CWC27: variants seen among roughly 807,000 people sequenced by gnomAD.
The protein encoded by CWC27 is CWC27 spliceosome associated cyclophilin.
Under a neutral mutation model 63.6 loss-of-function variants are expected in CWC27, and 47 were observed. The ratio of observed to expected loss-of-function variants is 0.74; its 90% CI spans 0.58 to 0.94. The LOEUF is 0.94. Among genes scored for constraint, CWC27 ranks in the 40% least tolerant of loss-of-function variants. The probability of loss-of-function intolerance (pLI) is 0.00; values close to 1 mark genes in which losing one functional copy is unlikely to be tolerated. For missense variants in CWC27, 495 were observed against 554.3 expected, an observed-to-expected ratio of 0.89 and a Z score of 1.07; for synonymous variants, 175 against 179.8, an observed-to-expected ratio of 0.97 and a Z score of 0.22.
intron 11 of CWC27, among the ~76,000 whole-genome samples, chr5:64,930,818 C>A (rs945219743): frequency 6.6e-6 from 1 of 152,102 alleles, no homozygotes; most frequent in Non-Finnish European, 1.5e-5. Context: ...CTTAACAGTA[C>A]CCTGAGAAGA....
chr5:64,843,529 G>A (rs1378594565), intron 10 of CWC27, among the ~76,000 whole-genome samples: 1 of 152,076 alleles, frequency 6.6e-6, no homozygotes, highest in Non-Finnish European at 1.5e-5. Flanking sequence ...TAACTCCCAG[G>A]AGAGATTAGC....
At chr5:64,890,868 G>A (rs1747214991) in intron 11 of CWC27, among the ~76,000 whole-genome samples, 1 of 152,146 alleles carries the variant, frequency 6.6e-6, no homozygotes, top group Non-Finnish European at 1.5e-5. Context: ...AAGCAAAAGA[G>A]AAGCCAGAAA....
At chr5:64,869,873 G>A (rs1746623216) in intron 10 of CWC27, among the ~76,000 whole-genome samples, 1 of 151,962 alleles carries the variant, frequency 6.6e-6, no homozygotes. Flanking sequence ...TCCCCTTAAA[G>A]TAGGAGCTTT....
chr5:64,804,536 G>A (rs765409962), intron 10 of CWC27, 150 bp downstream of exon 10: 23 of 707,488 alleles, frequency 3.3e-5, no homozygotes, highest in Admixed American at 9.7e-5. Flanking sequence ...CCCATTAGCA[G>A]GCCTAAAATA....
At chr5:64,987,449 C>T (rs1213927259) in intron 13 of CWC27, among the ~76,000 whole-genome samples, 2 of 152,098 alleles carry the variant, frequency 1.3e-5, no homozygotes, top group Non-Finnish European at 2.9e-5. Flanking sequence ...ATAATTTTTG[C>T]TCTCAGCTGT....
chr5:64,941,037 G>A (rs541536341), intron 11 of CWC27, among the ~76,000 whole-genome samples: 1 of 151,264 alleles, frequency 6.6e-6, no homozygotes, highest in South Asian at 2.1e-4. Context: ...GTAGAGATGG[G>A]GTTTCACCAT....
chr5:64,865,666 G>A (rs930852152), intron 10 of CWC27, among the ~76,000 whole-genome samples: 2 of 151,946 alleles, frequency 1.3e-5, no homozygotes, highest in African/African-American at 2.4e-5. Flanking sequence ...TTTGGTTTAA[G>A]GGCTAAATCT....
At chr5:64,973,573 A>C (rs962112132) in intron 12 of CWC27, among the ~76,000 whole-genome samples, 2 of 152,236 alleles carry the variant, frequency 1.3e-5, no homozygotes, top group Non-Finnish European at 2.9e-5. Context: ...CTCCATGCAG[A>C]TCCTATCTTC....
intron 12 of CWC27, among the ~76,000 whole-genome samples, chr5:64,972,936 A>C (rs954749544): frequency 3.3e-4 from 51 of 152,330 alleles, no homozygotes; most frequent in African/African-American, 1.2e-3. Flanking sequence ...AGGTACAGGA[A>C]GCCATGTAGA....
intron 13 of CWC27, among the ~76,000 whole-genome samples, chr5:65,009,661 C>T (rs1749911387): frequency 1.3e-5 from 2 of 152,196 alleles, no homozygotes; most frequent in South Asian, 4.1e-4. Flanking sequence ...AACTCTCTCT[C>T]TCTGGCACAT....
At chr5:64,949,772 C>A (rs1180187348) in intron 11 of CWC27, among the ~76,000 whole-genome samples, 1 of 151,984 alleles carries the variant, frequency 6.6e-6, no homozygotes, top group East Asian at 1.9e-4. Context: ...CCTTTTCTAT[C>A]TAATGAATAT....
chr5:64,885,585 T>G (rs1303007296), intron 11 of CWC27, 39 bp downstream of exon 11: 2 of 1,426,544 alleles, frequency 1.4e-6, no homozygotes, highest in South Asian at 2.4e-5. Flanking sequence ...CACTTGATAC[T>G]CCTCCTTCTC....
At chr5:64,888,450 T>C (rs903476619) in intron 11 of CWC27, among the ~76,000 whole-genome samples, 14 of 147,284 alleles carry the variant, frequency 9.5e-5, no homozygotes, top group Middle Eastern at 3.6e-3. Flanking sequence ...ATAAATAATG[T>C]ATATTTTGGG....
Position 64,824,093 on chromosome 5 carries a change from A to G in CWC27, c.938+19707A>G, listed in dbSNP as rs184726591. Among the ~76,000 whole-genome samples the G allele has an allele frequency of 4.8e-3, 729 of 152,314 alleles. 2 individuals carry two copies. Among genetic ancestry groups the G allele is most frequent in the Non-Finnish European group, 8.1e-3 (551 of 68,012 alleles). On this transcript the variant is annotated intron_variant, in intron 10 of 13. Transcript: ENST00000381070. ...TAACTTTATCTAGCTAGTGAATGCAAGTGTTTTATTTTAGAAACATAAATG... is the reference window on the plus strand; with the variant it reads ...TAACTTTATCTAGCTAGTGAATGCAGGTGTTTTATTTTAGAAACATAAATG...
intron 11 of CWC27, among the ~76,000 whole-genome samples, chr5:64,904,530 T>C (rs1358696924): frequency 6.6e-6 from 1 of 152,268 alleles, no homozygotes; most frequent in African/African-American, 2.4e-5. Context: ...CCTTATGATA[T>C]GGTATCTGGG....
chr5:64,991,809 A>G (rs1210613358), intron 13 of CWC27, among the ~76,000 whole-genome samples: 1 of 152,200 alleles, frequency 6.6e-6, no homozygotes, highest in Non-Finnish European at 1.5e-5. Context: ...CTCTGCCCCA[A>G]ATTGTATTTA....
intron 11 of CWC27, among the ~76,000 whole-genome samples, chr5:64,964,196 C>G (rs939714964): frequency 3.9e-5 from 6 of 152,066 alleles, no homozygotes; most frequent in African/African-American, 1.2e-4. Flanking sequence ...AAAAAATTAC[C>G]AAATCAATCT....
intron 13 of CWC27, among the ~76,000 whole-genome samples, chr5:64,984,550 C>T (rs1749387569): frequency 6.6e-6 from 1 of 152,124 alleles, no homozygotes; most frequent in Non-Finnish European, 1.5e-5. Flanking sequence ...ATGAGCAATC[C>T]AGTAGTAATT....
intron 11 of CWC27, among the ~76,000 whole-genome samples, chr5:64,952,092 G>A (rs962656021): frequency 6.6e-6 from 1 of 151,854 alleles, no homozygotes; most frequent in African/African-American, 2.4e-5. Context: ...AAATGGCAGA[G>A]TATTTGCATA....
Sources: allele counts gnomAD v4.1 joint callset (sites outside exome capture counted in the v4.1 genomes callset), GRCh38; gene constraint gnomAD v4.1.1; transcripts MANE v1.5; gene names NCBI Gene and HGNC (gene_info 2026-07-23, HGNC 2026-07-21).